PAN3: variants seen among roughly 807,000 people sequenced by gnomAD.
PAN3 encodes the protein PAN2-PAN3 deadenylation complex subunit PAN3.
Under a neutral mutation model 96.2 loss-of-function variants are expected in PAN3, and 19 were observed. The ratio of observed to expected loss-of-function variants is 0.20; its 90% CI spans 0.14 to 0.29. The LOEUF is 0.29. Ranked by LOEUF, PAN3 falls within the 10% of genes least tolerant of loss-of-function variation. The pLI is 1.00. For synonymous variants in PAN3, 433 were observed against 406.6 expected (o/e 1.06, Z -0.78); for missense variants, 882 against 1,108.1 (o/e 0.80, Z 2.90).
chr13:28,148,887 T>G (rs1045384617), intron 1 of PAN3, among the ~76,000 whole-genome samples: 3 of 152,204 alleles, frequency 2.0e-5, no homozygotes, highest in Non-Finnish European at 4.4e-5. Flanking sequence ...ATTATTAGAT[T>G]CTTTATAATG....
intron 1 of PAN3, among the ~76,000 whole-genome samples, chr13:28,152,690 A>G (rs1383176957): frequency 6.6e-6 from 1 of 152,184 alleles, no homozygotes; most frequent in Non-Finnish European, 1.5e-5. Flanking sequence ...CTACCTTTGT[A>G]TGGTTAGGTT....
At chr13:28,184,549 T>C (rs1278172160) in intron 4 of PAN3, among the ~76,000 whole-genome samples, 1 of 152,160 alleles carries the variant, frequency 6.6e-6, no homozygotes, top group Non-Finnish European at 1.5e-5. Flanking sequence ...TTTTTTTCAA[T>C]GTAAATTTCT....
chr13:28,149,431 C>T (rs1871087767), intron 1 of PAN3, among the ~76,000 whole-genome samples: 1 of 151,998 alleles, frequency 6.6e-6, no homozygotes, highest in African/African-American at 2.4e-5. Flanking sequence ...TCATATCTGC[C>T]CCGGTAAAAT....
chr13:28,246,569 A>C (rs1884210211), intron 6 of PAN3, among the ~76,000 whole-genome samples: 1 of 152,082 alleles, frequency 6.6e-6, no homozygotes. Flanking sequence ...CAACCTCTTC[A>C]GTCCCCCACC....
At chr13:28,246,638 AC>A (rs1884224366) in intron 6 of PAN3, among the ~76,000 whole-genome samples, 1 of 152,088 alleles carries the variant, frequency 6.6e-6, no homozygotes, top group African/African-American at 2.4e-5. Context: ...TATGAGATCT[AC>A]TTTCTAAGCT....
intron 6 of PAN3, among the ~76,000 whole-genome samples, chr13:28,230,549 T>G (rs1388156349): frequency 6.6e-6 from 1 of 152,050 alleles, no homozygotes; most frequent in Admixed American, 6.5e-5. Flanking sequence ...GAACATGTCC[T>G]GGCAAAAAAA....
At chr13:28,255,601 T>G (rs990264811) in intron 6 of PAN3, among the ~76,000 whole-genome samples, 1 of 152,172 alleles carries the variant, frequency 6.6e-6, no homozygotes, top group African/African-American at 2.4e-5. Flanking sequence ...TAGAACATAA[T>G]GGTATCAATT....
intron 6 of PAN3, among the ~76,000 whole-genome samples, chr13:28,230,997 T>G (rs915254995): frequency 6.6e-6 from 1 of 152,158 alleles, no homozygotes. Flanking sequence ...CATTGTAGAG[T>G]CTAGGGAGAT....
chr13:28,244,668 G>A (rs1007412555), intron 6 of PAN3, among the ~76,000 whole-genome samples: 8 of 151,932 alleles, frequency 5.3e-5, no homozygotes, highest in African/African-American at 1.9e-4. Flanking sequence ...ATTTTTCAGT[G>A]TCTAATGGTG....
intron 1 of PAN3, among the ~76,000 whole-genome samples, chr13:28,169,841 G>A (rs1874077488): frequency 6.6e-6 from 1 of 151,870 alleles, no homozygotes; most frequent in African/African-American, 2.4e-5. Context: ...GAGGTCAGGA[G>A]TTTGAGACCA....
chr13:28,260,620 A>G, intron 8 of PAN3, 69 bp downstream of exon 8: 1 of 1,249,852 alleles, frequency 8.0e-7, no homozygotes, highest in Non-Finnish European at 1.2e-6. Flanking sequence ...GGGAAAGAAC[A>G]GAGCTCTTTT....
At position 28,294,705 on chromosome 13, in the gene PAN3, G is replaced by T. The variant is rs1203657263; in HGVS notation, c.*2183G>T. ...ATGTTTGCATCCTAAATGCTAGTTTGCTTCAGCCCCTAGTTAACCTCAGGA... is the reference window on the plus strand; with the variant it reads ...ATGTTTGCATCCTAAATGCTAGTTTTCTTCAGCCCCTAGTTAACCTCAGGA... On this transcript the variant is annotated 3_prime_UTR_variant, in exon 19 of 19. Transcript: ENST00000380958. 6 of 152,628 alleles carry T rather than the reference G, an allele frequency of 3.9e-5. No individual in the cohort carries two copies. The highest frequency in any genetic ancestry group is 7.3e-5 in the Non-Finnish European group (5 of 68,038). 9.5% of individuals were successfully genotyped at this position (152,628 alleles called of 1,614,324 possible). A position where few individuals can be genotyped will look rare whatever the true frequency, so the allele number is the denominator to read the frequency against.
At chr13:28,159,067 C>T (rs1235684611) in intron 1 of PAN3, among the ~76,000 whole-genome samples, 1 of 152,122 alleles carries the variant, frequency 6.6e-6, no homozygotes, top group Non-Finnish European at 1.5e-5. Flanking sequence ...TCTCAAAGAA[C>T]TTAGAATTAC....
rs577807603 is a variant in PAN3, at chr13:28,213,122, C to T, written c.853-7109C>T. 1.6e-4 allele frequency among the ~76,000 whole-genome samples: 25 copies of T among 151,742 alleles called. No individual in the cohort carries two copies. In the East Asian group the frequency reaches 2.9e-3, roughly 18 times the overall value. ...TTCTTGGATTCAACCAATCATGGAC[C>T]GGGGGAAGAAAAAAAACCCAAACAC... On this transcript the variant is annotated intron_variant, in intron 5 of 18. Transcript: ENST00000380958.
chr13:28,277,336 G>A lies in PAN3; in HGVS notation c.2149G>A (p.Val717Met). ...GAATTTACAGAAAGCCATGGAACTG[G>A]TGACAATCAACTATTCCTCTGACCT... The part of the protein sequence containing the change: ...RENLQKAMEL[V>M]TINYSSDLKN... Residue 717 changes from valine (V) to methionine (M), a missense_variant, in exon 15 of 19, where the codon GTG becomes ATG. Around this residue, in one of 3 missense-constraint regions of PAN3, gnomAD observed 364 missense variants for 513.6 expected, o/e 0.71. Coordinates refer to ENST00000380958, the MANE Select transcript of PAN3 (RefSeq NM_175854.8). 2 of 1,613,352 alleles carry A rather than the reference G, an allele frequency of 1.2e-6. No individual in the cohort carries two copies. Among genetic ancestry groups the A allele is most frequent in the Non-Finnish European group, 1.7e-6 (2 of 1,179,640 alleles).
chr13:28,141,462 CTTTTTTTTTTTT>C (rs759736683), intron 1 of PAN3, among the ~76,000 whole-genome samples: 948 of 90,338 alleles, frequency 0.01, 8 homozygotes, highest in Non-Finnish European at 0.015. Context: ...TTCTTTTTTT[CTTTTTTTTTTTT>C]TTTTTTTTTT....
chr13:28,181,668 A>G (rs925637935), intron 4 of PAN3, among the ~76,000 whole-genome samples: 1 of 152,212 alleles, frequency 6.6e-6, no homozygotes, highest in Non-Finnish European at 1.5e-5. Context: ...ATAATGTGTC[A>G]TGGGACCAGT....
intron 1 of PAN3, among the ~76,000 whole-genome samples, chr13:28,165,365 AC>A (rs1290361090): frequency 7.0e-6 from 1 of 143,100 alleles, no homozygotes; most frequent in East Asian, 2.1e-4. Flanking sequence ...AAGTGATAAT[AC>A]CACCTTAGCC....
At chr13:28,162,490 G>T (rs1375331788) in intron 1 of PAN3, among the ~76,000 whole-genome samples, 1 of 152,132 alleles carries the variant, frequency 6.6e-6, no homozygotes, top group Non-Finnish European at 1.5e-5. Flanking sequence ...TTTGAGACCA[G>T]CCTGGGCAAC....
Sources: gnomAD v4.1 joint callset for allele counts (sites outside exome capture counted in the v4.1 genomes callset) on GRCh38, gnomAD v4.1.1 for gene constraint, gnomAD v4.1.1 regional missense constraint, MANE v1.5 for transcripts, NCBI Gene and HGNC (gene_info 2026-07-23, HGNC 2026-07-21) for gene names.